The following SLC6A6 variants were observed in gnomAD, a reference collection of about 807,000 sequenced individuals.
The protein encoded by SLC6A6 is solute carrier family 6 member 6.
A neutral mutation model predicts 68.8 loss-of-function variants in SLC6A6; 16 were observed. That is an observed-to-expected ratio of 0.23 (90% CI 0.16 to 0.35). The LOEUF is 0.35. Ranked by LOEUF, SLC6A6 falls within the 10% of genes least tolerant of loss-of-function variation. The pLI is 1.00. For missense variants in SLC6A6, 474 were observed against 802.8 expected, an observed-to-expected ratio of 0.59 and a Z score of 4.95; for synonymous variants, 312 against 315.4, an observed-to-expected ratio of 0.99 and a Z score of 0.12.
intron 5 of SLC6A6, among the ~76,000 whole-genome samples, chr3:14,455,086 T>C (rs981332662): frequency 4.6e-5 from 7 of 152,042 alleles, no homozygotes; most frequent in Non-Finnish European, 8.8e-5. Context: ...TTGAGGGGGG[T>C]ACTATGTCTC....
intron 1 of SLC6A6, among the ~76,000 whole-genome samples, chr3:14,403,489 C>A (rs918056528): frequency 2.0e-5 from 3 of 152,142 alleles, no homozygotes; most frequent in African/African-American, 7.2e-5. Flanking sequence ...AAGAGGGTGT[C>A]CCTGGTGCCT....
chr3:14,484,805 C>T (rs375963367), intron 14 of SLC6A6, 62 bp from the exon 15 acceptor site: 14 of 1,576,562 alleles, frequency 8.9e-6, no homozygotes, highest in Non-Finnish European at 1.1e-5. Context: ...GCAGATGGCC[C>T]TGGCGAAGGG....
At chr3:14,455,022 C>T (rs1700337924) in intron 5 of SLC6A6, among the ~76,000 whole-genome samples, 1 of 152,210 alleles carries the variant, frequency 6.6e-6, no homozygotes, top group South Asian at 2.1e-4. Context: ...TTACAAGCTC[C>T]TCTTGATGGA....
At position 14,468,331 on chromosome 3, in the gene SLC6A6, A is replaced by C; in HGVS notation, c.1096+119A>C. 1 of 806,272 alleles carries C rather than the reference A, an allele frequency of 1.2e-6. No individual in the cohort carries two copies. The highest frequency in any genetic ancestry group is 1.8e-6 in the Non-Finnish European group (1 of 552,556). 49.9% of individuals were successfully genotyped at this position (806,272 alleles called of 1,614,324 possible). ...AGGGGGGACGAGCCTGGTTTCTAAAATGGACCCCCCCCCCGCCACCAAGAT... is the reference window on the plus strand; with the variant it reads ...AGGGGGGACGAGCCTGGTTTCTAAACTGGACCCCCCCCCCGCCACCAAGAT... On this transcript the variant is annotated intron_variant, in intron 9 of 14. Coordinates refer to ENST00000622186, the MANE Select transcript of SLC6A6 (RefSeq NM_003043.6). The surrounding 1 kb of genome is among the most constrained non-coding windows in gnomAD (Gnocchi z 4.5).
At chr3:14,449,979 TG>T (rs1318316886) in intron 5 of SLC6A6, among the ~76,000 whole-genome samples, 7 of 152,116 alleles carry the variant, frequency 4.6e-5, no homozygotes. Context: ...CTCAATCTCC[TG>T]ACCTCATGAT....
intron 5 of SLC6A6, among the ~76,000 whole-genome samples, chr3:14,451,898 C>T (rs1280044592): frequency 6.6e-6 from 1 of 152,206 alleles, no homozygotes; most frequent in Non-Finnish European, 1.5e-5. Flanking sequence ...GAAGGTTGGT[C>T]TTGGTGACCC....
At chr3:14,461,121 T>C (rs1014414576) in intron 6 of SLC6A6, among the ~76,000 whole-genome samples, 1 of 152,238 alleles carries the variant, frequency 6.6e-6, no homozygotes, top group Admixed American at 6.5e-5. Context: ...TTCCAGGAAG[T>C]TGAAACTAGG....
chr3:14,444,509 TC>T (rs138242458), intron 3 of SLC6A6, among the ~76,000 whole-genome samples: 21,288 of 152,198 alleles, frequency 0.14, 2,010 homozygotes, highest in Non-Finnish European at 0.2. Flanking sequence ...TGACAGGTCT[TC>T]TGTTACGGGG....
chr3:14,442,696 C>G (rs927101227), intron 2 of SLC6A6, among the ~76,000 whole-genome samples: 8 of 152,310 alleles, frequency 5.3e-5, no homozygotes, highest in Admixed American at 3.3e-4. Context: ...TCCCTCTAGA[C>G]TGGGAGCCAA....
Position 14,468,861 on chromosome 3 carries a change from G to A in SLC6A6, c.1096+649G>A, listed in dbSNP as rs1700688653. Among the ~76,000 whole-genome samples the A allele has an allele frequency of 6.6e-6, 1 of 152,166 alleles. No homozygotes were observed. The highest frequency in any genetic ancestry group is 1.5e-5 in the Non-Finnish European group (1 of 68,028). On this transcript the variant is annotated intron_variant, in intron 9 of 14. Transcript: ENST00000622186. The surrounding 1 kb of genome is among the most constrained non-coding windows in gnomAD (Gnocchi z 4.5). ...CAGGCACTCTTCCTCGGGCTACCTG[G>A]AGTCACAGGCATGGAGGATGCCAGT...
intron 2 of SLC6A6, among the ~76,000 whole-genome samples, chr3:14,426,920 G>C (rs188621495): frequency 6.6e-6 from 1 of 152,146 alleles, no homozygotes; most frequent in Non-Finnish European, 1.5e-5. Flanking sequence ...TCCCAGAAAC[G>C]GCGTGGCGAT....
At chr3:14,459,821 A>G (rs1044230279) in intron 6 of SLC6A6, among the ~76,000 whole-genome samples, 4 of 150,352 alleles carry the variant, frequency 2.7e-5, no homozygotes, top group South Asian at 4.2e-4. Context: ...GGTTAAAATG[A>G]GGTGTGTTAA....
At chr3:14,449,329 A>G (rs1010741904) in intron 5 of SLC6A6, among the ~76,000 whole-genome samples, 2 of 152,256 alleles carry the variant, frequency 1.3e-5, no homozygotes, top group African/African-American at 4.8e-5. Flanking sequence ...CAAAAGGGAC[A>G]TTGGAAGCAC....
intron 5 of SLC6A6, among the ~76,000 whole-genome samples, chr3:14,453,846 G>C (rs984133157): frequency 1.3e-5 from 2 of 152,190 alleles, no homozygotes; most frequent in Non-Finnish European, 2.9e-5. Context: ...TTTGGAACAA[G>C]TGGCTGAGGG....
chr3:14,458,413 G>A (rs908543382), intron 6 of SLC6A6, among the ~76,000 whole-genome samples: 58 of 152,208 alleles, frequency 3.8e-4, no homozygotes, highest in African/African-American at 1.4e-3. Flanking sequence ...CAAGGTATTG[G>A]CAGTCAGTGC....
At chr3:14,411,873 G>T (rs1048091450) in intron 1 of SLC6A6, among the ~76,000 whole-genome samples, 1 of 152,214 alleles carries the variant, frequency 6.6e-6, no homozygotes, top group Non-Finnish European at 1.5e-5. Flanking sequence ...CCCTCATGGA[G>T]CTGTCTGTCT....
At chr3:14,416,728 C>T (rs1699370285) in intron 2 of SLC6A6, among the ~76,000 whole-genome samples, 1 of 152,266 alleles carries the variant, frequency 6.6e-6, no homozygotes, top group Non-Finnish European at 1.5e-5. Flanking sequence ...GAGATCCAGC[C>T]TGTGCCCTGT....
intron 1 of SLC6A6, among the ~76,000 whole-genome samples, chr3:14,415,846 T>C (rs565501175): frequency 8.6e-4 from 131 of 152,244 alleles, no homozygotes; most frequent in African/African-American, 2.9e-3. Flanking sequence ...CCCCCAAGGA[T>C]CTTCTCTGAG....
intron 2 of SLC6A6, among the ~76,000 whole-genome samples, chr3:14,430,865 G>C (rs747112842): frequency 2.5e-4 from 38 of 152,314 alleles, no homozygotes; most frequent in Non-Finnish European, 4.7e-4. Flanking sequence ...GAGGAGGCTA[G>C]AGACTGTAGC....
Sources: allele counts gnomAD v4.1 joint callset (sites outside exome capture counted in the v4.1 genomes callset), GRCh38; gene constraint gnomAD v4.1.1; non-coding constraint Gnocchi (gnomAD v3.1); transcripts MANE v1.5; gene names NCBI Gene and HGNC (gene_info 2026-07-23, HGNC 2026-07-21).